The following ZNF804B variants were observed in gnomAD, a reference collection of about 807,000 sequenced individuals.
ZNF804B encodes the protein zinc finger protein 804B.
ZNF804B carries 80 observed loss-of-function variants against 101.4 expected under a neutral mutation model. The ratio of observed to expected loss-of-function variants is 0.79; its 90% CI spans 0.66 to 0.95. The LOEUF (loss-of-function observed/expected upper bound fraction) is 0.95. Among genes scored for constraint, ZNF804B ranks in the 40% least tolerant of loss-of-function variants. The pLI, the probability that ZNF804B is intolerant of heterozygous loss-of-function variation, is 0.00. For synonymous variants in ZNF804B, 622 were observed against 558.8 expected, an observed-to-expected ratio of 1.11 and a Z score of -1.59; for missense variants, 1,673 against 1,561.9, an observed-to-expected ratio of 1.07 and a Z score of -1.20.
chr7:88,989,388 T>C (rs1288509486), intron 1 of ZNF804B, among the ~76,000 whole-genome samples: 1 of 152,090 alleles, frequency 6.6e-6, no homozygotes, highest in East Asian at 1.9e-4. Context: ...TCCTATAAGA[T>C]AACAAAACAC....
intron 1 of ZNF804B, among the ~76,000 whole-genome samples, chr7:89,018,067 T>C (rs73385165): frequency 0.11 from 16,215 of 152,170 alleles, 953 homozygotes; most frequent in Non-Finnish European, 0.12. Flanking sequence ...ATAAAAGGAA[T>C]GAAAGTGGGC....
chr7:88,911,880 ATATGT>A (rs1379948996), intron 1 of ZNF804B, among the ~76,000 whole-genome samples: 2 of 151,732 alleles, frequency 1.3e-5, no homozygotes, highest in Non-Finnish European at 1.5e-5. Flanking sequence ...TGCATTATAT[ATATGT>A]TATATGTGTA....
chr7:89,120,926 C>T (rs1380075643), intron 1 of ZNF804B, among the ~76,000 whole-genome samples: 1 of 152,172 alleles, frequency 6.6e-6, no homozygotes, highest in Non-Finnish European at 1.5e-5. Context: ...TGAGAAGCTA[C>T]ATTGCTTTAT....
chr7:88,877,050 T>TATAATATATATA (rs1491216741), intron 1 of ZNF804B, among the ~76,000 whole-genome samples: 1 of 20,204 alleles, frequency 4.9e-5, no homozygotes, highest in African/African-American at 3.0e-4. Context: ...TATATATATA[T>TATAATATATATA]TTTTTTTTTT....
At chr7:89,121,695 C>A (rs1299926847) in intron 1 of ZNF804B, among the ~76,000 whole-genome samples, 1 of 152,138 alleles carries the variant, frequency 6.6e-6, no homozygotes, top group South Asian at 2.1e-4. Flanking sequence ...AATAAAGAAT[C>A]TAAAGATTTA....
At chr7:88,834,817 G>C (rs1423106002) in intron 1 of ZNF804B, among the ~76,000 whole-genome samples, 1 of 151,642 alleles carries the variant, frequency 6.6e-6, no homozygotes, top group African/African-American at 2.4e-5. Flanking sequence ...TTGGTTGCTA[G>C]AAATGTAGCT....
At chr7:88,974,830 A>G (rs545594569) in intron 1 of ZNF804B, among the ~76,000 whole-genome samples, 2 of 151,378 alleles carry the variant, frequency 1.3e-5, no homozygotes, top group Non-Finnish European at 3.0e-5. Context: ...ATGTATAATA[A>G]ATTATTGTTG....
chr7:88,974,910 C>A (rs868451194), intron 1 of ZNF804B, among the ~76,000 whole-genome samples: 2 of 151,436 alleles, frequency 1.3e-5, no homozygotes, highest in South Asian at 4.2e-4. Context: ...TTTCTGTACC[C>A]ATTAACCATT....
intron 1 of ZNF804B, among the ~76,000 whole-genome samples, chr7:89,137,926 T>C (rs1049770014): frequency 6.6e-6 from 1 of 152,054 alleles, no homozygotes; most frequent in Non-Finnish European, 1.5e-5. Context: ...TTCTAGGGAC[T>C]TGGTGCCCTG....
intron 2 of ZNF804B, among the ~76,000 whole-genome samples, chr7:89,312,685 C>G (rs1426322392): frequency 6.6e-6 from 1 of 151,812 alleles, no homozygotes; most frequent in African/African-American, 2.4e-5. Context: ...GTATTGCAAC[C>G]AGAACACATA....
chr7:88,874,682 G>T (rs1362763119), intron 1 of ZNF804B, among the ~76,000 whole-genome samples: 1 of 151,982 alleles, frequency 6.6e-6, no homozygotes, highest in South Asian at 2.1e-4. Context: ...TAGCATGAAG[G>T]GCTGTTGAAT....
At chr7:88,891,887 C>T (rs184971478) in intron 1 of ZNF804B, among the ~76,000 whole-genome samples, 15 of 152,182 alleles carry the variant, frequency 9.9e-5, no homozygotes, top group African/African-American at 2.4e-4. Flanking sequence ...CCCTACCCCA[C>T]GACAGGCCCT....
intron 1 of ZNF804B, among the ~76,000 whole-genome samples, chr7:89,116,554 G>T (rs1790315167): frequency 6.6e-6 from 1 of 151,950 alleles, no homozygotes. Context: ...AAATCAATTG[G>T]ACCTAAAATC....
chr7:89,011,609 C>A (rs149844421), intron 1 of ZNF804B, among the ~76,000 whole-genome samples: 2 of 152,106 alleles, frequency 1.3e-5, no homozygotes, highest in African/African-American at 4.8e-5. Context: ...GCTACAGATT[C>A]CATGCAACTC....
At chr7:89,261,659 G>A (rs1416192618) in intron 2 of ZNF804B, among the ~76,000 whole-genome samples, 2 of 152,102 alleles carry the variant, frequency 1.3e-5, no homozygotes, top group Admixed American at 6.6e-5. Context: ...AATCTATATG[G>A]TATAGCCTGT....
At chr7:89,279,269 T>C (rs1054299589) in intron 2 of ZNF804B, among the ~76,000 whole-genome samples, 1 of 152,052 alleles carries the variant, frequency 6.6e-6, no homozygotes, top group African/African-American at 2.4e-5. Context: ...AGTGGGGTTT[T>C]CTAGATATAC....
At chr7:88,841,214 A>G (rs62462052) in intron 1 of ZNF804B, among the ~76,000 whole-genome samples, 6,183 of 152,228 alleles carry the variant, frequency 0.041, 154 homozygotes, top group Middle Eastern at 0.051. Context: ...ATGAATTTGG[A>G]TCTGGATTTA....
At chr7:89,091,493 T>C (rs1422420996) in intron 1 of ZNF804B, among the ~76,000 whole-genome samples, 1 of 152,014 alleles carries the variant, frequency 6.6e-6, no homozygotes, top group Non-Finnish European at 1.5e-5. Flanking sequence ...TCGGTAAAAG[T>C]CGAAAGTAGA....
chr7:89,244,716 A>G (rs1293911864), intron 2 of ZNF804B, among the ~76,000 whole-genome samples: 2 of 152,128 alleles, frequency 1.3e-5, no homozygotes, highest in Admixed American at 1.3e-4. Context: ...AACCCCGGAC[A>G]TAAGGTTTAC....
Sources: allele counts gnomAD v4.1 joint callset (sites outside exome capture counted in the v4.1 genomes callset), GRCh38; gene constraint gnomAD v4.1.1; transcripts MANE v1.5; gene names NCBI Gene and HGNC (gene_info 2026-07-23, HGNC 2026-07-21).